VWC2: variants seen among roughly 807,000 people sequenced by gnomAD.
The protein encoded by VWC2 is von Willebrand factor C domain containing 2.
Under a neutral mutation model 29.8 loss-of-function variants are expected in VWC2, and 14 were observed. The ratio of observed to expected loss-of-function variants is 0.47; its 90% CI spans 0.31 to 0.74. The LOEUF (loss-of-function observed/expected upper bound fraction) is 0.74. Among genes scored for constraint, VWC2 ranks in the 30% least tolerant of loss-of-function variants. VWC2 has a pLI of 0.05. For synonymous variants in VWC2, 213 were observed against 199.0 expected (o/e 1.07, Z -0.59); for missense variants, 457 against 459.8 (o/e 0.99, Z 0.05).
At chr7:49,821,436 A>G (rs1789259402) in intron 3 of VWC2, among the ~76,000 whole-genome samples, 1 of 152,262 alleles carries the variant, frequency 6.6e-6, no homozygotes, top group Non-Finnish European at 1.5e-5. Flanking sequence ...TTGATAGCAG[A>G]TGAGAATTTT....
chr7:49,784,964 G>T (rs1788263519), intron 2 of VWC2, among the ~76,000 whole-genome samples: 1 of 152,058 alleles, frequency 6.6e-6, no homozygotes, highest in Non-Finnish European at 1.5e-5. Flanking sequence ...CCAGATATTG[G>T]GATGTAAAAT....
chr7:49,800,823 T>C (rs1263087407), intron 2 of VWC2, among the ~76,000 whole-genome samples: 1 of 68,184 alleles, frequency 1.5e-5, no homozygotes, highest in Admixed American at 2.1e-4. Context: ...ACAGCAACAA[T>C]AAAGAGCACC....
chr7:49,779,532 A>G (rs907949832), intron 2 of VWC2, among the ~76,000 whole-genome samples: 4 of 151,906 alleles, frequency 2.6e-5, no homozygotes, highest in Non-Finnish European at 5.9e-5. Flanking sequence ...TTTTTTCTTT[A>G]ACTTATACCA....
At chr7:49,882,199 T>C (rs1791697297) in intron 3 of VWC2, among the ~76,000 whole-genome samples, 1 of 152,158 alleles carries the variant, frequency 6.6e-6, no homozygotes, top group Non-Finnish European at 1.5e-5. Flanking sequence ...AGAACAAAAC[T>C]AGTGGAAGTA....
At chr7:49,867,133 G>C (rs1790927217) in intron 3 of VWC2, among the ~76,000 whole-genome samples, 1 of 152,106 alleles carries the variant, frequency 6.6e-6, no homozygotes. Context: ...GGAGCCTCTC[G>C]AGAGAACAAC....
At chr7:49,867,254 C>A (rs1007193411) in intron 3 of VWC2, among the ~76,000 whole-genome samples, 2 of 152,074 alleles carry the variant, frequency 1.3e-5, no homozygotes, top group East Asian at 1.9e-4. Flanking sequence ...TGATATTGAC[C>A]AAACTATCAC....
intron 2 of VWC2, among the ~76,000 whole-genome samples, chr7:49,789,343 G>A (rs1788410939): frequency 6.6e-6 from 1 of 151,332 alleles, no homozygotes; most frequent in African/African-American, 2.4e-5. Context: ...GCGTGTGAGT[G>A]TATATGTGGC....
At chr7:49,879,566 C>T (rs940114036) in intron 3 of VWC2, among the ~76,000 whole-genome samples, 2 of 152,156 alleles carry the variant, frequency 1.3e-5, no homozygotes, top group African/African-American at 4.8e-5. Context: ...TGTTTCACTC[C>T]TAGTTCCAGA....
chr7:49,837,459 T>A (rs922633944), intron 3 of VWC2, among the ~76,000 whole-genome samples: 5 of 152,172 alleles, frequency 3.3e-5, no homozygotes, highest in Non-Finnish European at 7.3e-5. Flanking sequence ...GGGTCCCCCC[T>A]TATTAGCTTA....
intron 3 of VWC2, chr7:49,901,292 T>A (rs1792709541): frequency 6.6e-6 from 1 of 151,948 alleles, no homozygotes; most frequent in East Asian, 1.9e-4. Flanking sequence ...TGTTTGCAGA[T>A]GACATGATGG....
At chr7:49,895,139 T>A (rs2128732167) in intron 3 of VWC2, among the ~76,000 whole-genome samples, 1 of 152,296 alleles carries the variant, frequency 6.6e-6, no homozygotes, top group South Asian at 2.1e-4. Flanking sequence ...CACTTGCAGA[T>A]TTGGTGTTTG....
intron 3 of VWC2, among the ~76,000 whole-genome samples, chr7:49,867,222 C>T (rs1336739106): frequency 2.0e-5 from 3 of 152,188 alleles, no homozygotes; most frequent in Non-Finnish European, 4.4e-5. Flanking sequence ...TGTCCATATC[C>T]CTTAACAATG....
At chr7:49,870,596 G>A (rs1051118406) in intron 3 of VWC2, among the ~76,000 whole-genome samples, 1 of 152,142 alleles carries the variant, frequency 6.6e-6, no homozygotes, top group African/African-American at 2.4e-5. Context: ...TTACGAGTAG[G>A]ATTTTCACAC....
At chr7:49,834,626 G>A (rs1267008101) in intron 3 of VWC2, among the ~76,000 whole-genome samples, 4 of 152,210 alleles carry the variant, frequency 2.6e-5, no homozygotes, top group Non-Finnish European at 5.9e-5. Context: ...GAAATGCCGA[G>A]TAAATGCTGA....
At position 49,867,605 on chromosome 7, in the gene VWC2, G is replaced by A. The variant is rs544582246; in HGVS notation, c.827-44429G>A. ...GACACAGGTGCTGTGTGGTGCTGGA[G>A]GCACAGGAGACATCTGAGGCATTCA... On this transcript the variant is annotated intron_variant, in intron 3 of 3. Coordinates refer to ENST00000340652, the MANE Select transcript of VWC2 (RefSeq NM_198570.5). 1.2e-4 allele frequency among the ~76,000 whole-genome samples: 18 copies of A among 152,326 alleles called. No individual in the cohort carries two copies. In the South Asian group the frequency reaches 3.5e-3, roughly 30 times the overall value.
intron 3 of VWC2, among the ~76,000 whole-genome samples, chr7:49,832,678 G>A (rs1583658116): frequency 6.6e-6 from 1 of 152,130 alleles, no homozygotes; most frequent in Non-Finnish European, 1.5e-5. Context: ...GTCTATTCTG[G>A]TCTGGTCTGG....
chr7:49,833,568 G>A (rs993495198), intron 3 of VWC2, among the ~76,000 whole-genome samples: 1 of 152,144 alleles, frequency 6.6e-6, no homozygotes, highest in African/African-American at 2.4e-5. Flanking sequence ...AAGGTGATTG[G>A]GAGTGAGGAA....
intron 2 of VWC2, among the ~76,000 whole-genome samples, chr7:49,781,889 C>T (rs888246540): frequency 3.3e-5 from 5 of 152,008 alleles, no homozygotes; most frequent in African/African-American, 1.2e-4. Flanking sequence ...AGCACTTAGT[C>T]CCAGGATTTC....
intron 3 of VWC2, among the ~76,000 whole-genome samples, chr7:49,863,699 G>A (rs1280315404): frequency 6.6e-6 from 1 of 152,234 alleles, no homozygotes; most frequent in African/African-American, 2.4e-5. Context: ...CGAAAGTGCT[G>A]GGATTAGAGA....
Sources: allele counts gnomAD v4.1 joint callset (sites outside exome capture counted in the v4.1 genomes callset), GRCh38; gene constraint gnomAD v4.1.1; transcripts MANE v1.5; gene names NCBI Gene and HGNC (gene_info 2026-07-23, HGNC 2026-07-21).